LGI1: variants seen among roughly 807,000 people sequenced by gnomAD.
LGI1 encodes the protein leucine-rich glioma-inactivated protein 1.
A neutral mutation model predicts 57.7 loss-of-function variants in LGI1; 11 were observed. The observed-to-expected ratio is 0.19, with a 90% CI of 0.12 to 0.32. The LOEUF (loss-of-function observed/expected upper bound fraction) is 0.32, where lower values mean the gene tolerates loss of function less well. Among genes scored for constraint, LGI1 ranks in the 10% least tolerant of loss-of-function variants. LGI1 has a pLI of 1.00. For missense variants in LGI1, 422 were observed against 661.9 expected (o/e 0.64, Z 3.98); for synonymous variants, 222 against 241.9 (o/e 0.92, Z 0.76).
intron 4 of LGI1, among the ~76,000 whole-genome samples, chr10:93,783,671 G>C (rs1251802542): frequency 6.6e-6 from 1 of 152,102 alleles, no homozygotes; most frequent in African/African-American, 2.4e-5. Flanking sequence ...AGATATGTAC[G>C]CGTCCTCTCG....
chr10:93,769,537 A>G (rs1030558520), intron 2 of LGI1: 3 of 152,222 alleles, frequency 2.0e-5, no homozygotes, highest in African/African-American at 7.2e-5. Flanking sequence ...TTACTTAGCT[A>G]TTCCTTGGCA....
chr10:93,778,946 A>G (rs1192381338), intron 4 of LGI1: 1 of 152,212 alleles, frequency 6.6e-6, no homozygotes. Flanking sequence ...GCTAATAGCC[A>G]GATATATTTT....
intron 2 of LGI1, chr10:93,763,893 T>C (rs1564839403): frequency 6.6e-6 from 1 of 152,206 alleles, no homozygotes; most frequent in Non-Finnish European, 1.5e-5. Flanking sequence ...TGCTCCTTTA[T>C]CCAGCCTGAC....
chr10:93,758,694 T>C lies in LGI1; in HGVS notation c.216-66T>C. 2 of 1,132,004 alleles carry C rather than the reference T, an allele frequency of 1.8e-6. No individual in the cohort carries two copies. Among genetic ancestry groups the C allele is most frequent in the Non-Finnish European group, 2.7e-6 (2 of 750,174 alleles). 70.1% of individuals were successfully genotyped at this position (1,132,004 alleles called of 1,614,324 possible). A position where few individuals can be genotyped will look rare whatever the true frequency, so the allele number is the denominator to read the frequency against. ...CTAAACCGGATTAACATAAGGTTTG[T>C]TCTGTGTGTGTGTGTCTCTTTGTGT... is the stretch of plus-strand genomic sequence containing the variant. On this transcript the variant is annotated intron_variant, in intron 1 of 7. Transcript: ENST00000371418. The surrounding 1 kb of genome is among the most constrained non-coding windows in gnomAD (Gnocchi z 4.7).
At chr10:93,770,146 T>C (rs1056228874) in intron 2 of LGI1, 2 of 152,286 alleles carry the variant, frequency 1.3e-5, no homozygotes, top group Non-Finnish European at 1.5e-5. Context: ...TACAGTGCTA[T>C]AAGCATAGAC....
intron 7 of LGI1, 105 bp from the exon 8 acceptor site, chr10:93,796,863 T>C: frequency 1.1e-6 from 1 of 921,316 alleles, no homozygotes; most frequent in South Asian, 1.4e-5. Flanking sequence ...GGAGATCTCT[T>C]GTTTCAGGCT....
chr10:93,789,425 C>G (rs2059917622), intron 4 of LGI1: 1 of 152,844 alleles, frequency 6.5e-6, no homozygotes. Flanking sequence ...GCAGCCCAGG[C>G]AAGAGGAGGG....
Position 93,797,878 on chromosome 10 carries a change from CTTCTT to C in LGI1, c.*76_*80del, listed in dbSNP as rs2134027351. On this transcript the variant is annotated 3_prime_UTR_variant, in exon 8 of 8. Coordinates refer to ENST00000371418, the MANE Select transcript of LGI1 (RefSeq NM_005097.4). The surrounding 1 kb of genome is among the most constrained non-coding windows in gnomAD (Gnocchi z 6.5). ...CGGATGAACTCAATGCATGATGACT[CTTCTT>C]ATCACACTTGCAAATGAATGCCTTT... The C allele has an allele frequency of 1.0e-6, 1 of 979,406 alleles. No individual in the cohort carries two copies. The highest frequency in any genetic ancestry group is 1.3e-5 in the South Asian group (1 of 78,074). 60.7% of individuals were successfully genotyped at this position (979,406 alleles called of 1,614,324 possible).
chr10:93,769,574 A>G (rs961124398), intron 2 of LGI1: 6 of 152,232 alleles, frequency 3.9e-5, no homozygotes, highest in Non-Finnish European at 1.5e-5. Flanking sequence ...GCTCATACAC[A>G]TTATCTCACA....
intron 4 of LGI1, among the ~76,000 whole-genome samples, chr10:93,783,292 C>T (rs930485070): frequency 2.4e-4 from 36 of 152,242 alleles, no homozygotes; most frequent in African/African-American, 7.9e-4. Context: ...GGGAGAATGG[C>T]GTGAACCCGG....
At chr10:93,763,314 G>T (rs72810625) in intron 2 of LGI1, 2 of 84,472 alleles carry the variant, frequency 2.4e-5, no homozygotes, top group African/African-American at 6.3e-5. Context: ...ACACACACAC[G>T]TGCCCAAACA....
At chr10:93,788,008 C>T (rs1158745309) in intron 4 of LGI1, among the ~76,000 whole-genome samples, 2 of 152,066 alleles carry the variant, frequency 1.3e-5, no homozygotes, top group African/African-American at 4.8e-5. Context: ...GATTTGACTG[C>T]TTAATCATTG....
At chr10:93,784,964 A>G (rs947458926) in intron 4 of LGI1, among the ~76,000 whole-genome samples, 3 of 152,164 alleles carry the variant, frequency 2.0e-5, no homozygotes, top group African/African-American at 7.2e-5. Context: ...CTAAATCTTA[A>G]CAGTGGTTAC....
At chr10:93,772,396 A>T (rs952658618) in intron 2 of LGI1, among the ~76,000 whole-genome samples, 4 of 152,172 alleles carry the variant, frequency 2.6e-5, no homozygotes, top group African/African-American at 9.6e-5. Flanking sequence ...GGAAATAAGT[A>T]GAGATAGGAA....
intron 4 of LGI1, among the ~76,000 whole-genome samples, chr10:93,785,205 C>A (rs2059885517): frequency 6.6e-6 from 1 of 152,086 alleles, no homozygotes; most frequent in Non-Finnish European, 1.5e-5. Flanking sequence ...TCTCAGCTTC[C>A]TGAAGCAAAT....
At chr10:93,763,803 C>T (rs829103) in intron 2 of LGI1, 1 of 152,080 alleles carries the variant, frequency 6.6e-6, no homozygotes, top group African/African-American at 2.4e-5. Context: ...CTCTTGTGTC[C>T]CACGCTGACT....
intron 4 of LGI1, among the ~76,000 whole-genome samples, chr10:93,787,695 C>T (rs1477084550): frequency 6.6e-6 from 1 of 151,982 alleles, no homozygotes; most frequent in African/African-American, 2.4e-5. Flanking sequence ...ATAGCTTGAG[C>T]CCAAGAGTTC....
At position 93,758,384 on chromosome 10, in the gene LGI1, T is replaced by A; in HGVS notation, c.215+25T>A. On this transcript the variant is annotated intron_variant, in intron 1 of 7. Coordinates refer to ENST00000371418, the MANE Select transcript of LGI1 (RefSeq NM_005097.4). This position sits in a 1 kb window ranked among gnomAD's most constrained non-coding sequence, Gnocchi z 4.7. ...TGTAAGGCCCGTAAGCATTTTGATA[T>A]CTAATTTACGATTTAAAAATTCCAG... 1.2e-6 allele frequency: 2 copies of A among 1,604,696 alleles called. No individual in the cohort carries two copies. The highest frequency in any genetic ancestry group is 2.2e-5 in the South Asian group (2 of 90,916).
chr10:93,778,007 G>T (rs10882333), intron 4 of LGI1, among the ~76,000 whole-genome samples: 1 of 151,982 alleles, frequency 6.6e-6, no homozygotes, highest in East Asian at 1.9e-4. Context: ...AGCCACAGGC[G>T]ATGTCTTCAT....
Sources: allele counts gnomAD v4.1 joint callset (sites outside exome capture counted in the v4.1 genomes callset), GRCh38; gene constraint gnomAD v4.1.1; non-coding constraint Gnocchi (gnomAD v3.1); transcripts MANE v1.5; gene names NCBI Gene and HGNC (gene_info 2026-07-23, HGNC 2026-07-21).